CDH1: variants seen among roughly 807,000 people sequenced by gnomAD.
CDH1 encodes cadherin 1.
In CDH1, 35 loss-of-function variants were observed where a neutral mutation model predicts 84.5. The ratio of observed to expected loss-of-function variants is 0.41; its 90% CI spans 0.32 to 0.55. The LOEUF is 0.55. Ranked by LOEUF, CDH1 falls within the 20% of genes least tolerant of loss-of-function variation. The probability of loss-of-function intolerance (pLI) is 0.19; values close to 1 mark genes in which losing one functional copy is unlikely to be tolerated. For missense variants in CDH1, 994 were observed against 1,126.6 expected, an observed-to-expected ratio of 0.88 and a Z score of 1.68; for synonymous variants, 417 against 439.0, an observed-to-expected ratio of 0.95 and a Z score of 0.63.
At chr16:68,830,838 A>T (rs1432351287) in intron 15 of CDH1, among the ~76,000 whole-genome samples, 1 of 152,160 alleles carries the variant, frequency 6.6e-6, no homozygotes, top group Non-Finnish European at 1.5e-5. Context: ...ATTGGCCAGA[A>T]CTATCAGAAG....
chr16:68,771,445 C>A (rs1050077387), intron 2 of CDH1, among the ~76,000 whole-genome samples: 2 of 152,068 alleles, frequency 1.3e-5, no homozygotes, highest in Admixed American at 6.6e-5. Context: ...TGCCACCATA[C>A]CTGGCTAATT....
chr16:68,745,549 A>ATATATATATATGTAT (rs1285099283), intron 2 of CDH1, among the ~76,000 whole-genome samples: 25 of 75,182 alleles, frequency 3.3e-4, no homozygotes, highest in Admixed American at 7.4e-4. Context: ...AAAAAAAAAA[A>ATATATATATATGTAT]ATATATATAT....
intron 2 of CDH1, among the ~76,000 whole-genome samples, chr16:68,751,796 C>G (rs1962888974): frequency 6.6e-6 from 1 of 151,676 alleles, no homozygotes; most frequent in Non-Finnish European, 1.5e-5. Context: ...AGCCACCGTG[C>G]CTGGCCCAAT....
At chr16:68,740,960 G>GA (rs1184818924) in intron 2 of CDH1, among the ~76,000 whole-genome samples, 1 of 151,826 alleles carries the variant, frequency 6.6e-6, no homozygotes, top group East Asian at 1.9e-4. Context: ...CAAAAACAAA[G>GA]AAAAAAGGTG....
At chr16:68,740,557 G>T (rs1389981956) in intron 2 of CDH1, among the ~76,000 whole-genome samples, 1 of 152,146 alleles carries the variant, frequency 6.6e-6, no homozygotes, top group Non-Finnish European at 1.5e-5. Context: ...GCTTGTATCT[G>T]AGCATGCGTC....
At chr16:68,802,023 T>C (rs1054039286) in intron 3 of CDH1, 130 bp downstream of exon 3, 2 of 781,262 alleles carry the variant, frequency 2.6e-6, no homozygotes, top group Non-Finnish European at 4.4e-6. Flanking sequence ...CTGTGCACTG[T>C]GTAGGATGTT....
At chr16:68,783,267 C>T (rs1415933650) in intron 2 of CDH1, among the ~76,000 whole-genome samples, 2 of 151,390 alleles carry the variant, frequency 1.3e-5, no homozygotes, top group Non-Finnish European at 2.9e-5. Flanking sequence ...CATGGTGGCA[C>T]ATGCCTGTAA....
chr16:68,812,683 A>C (rs1222311895), intron 8 of CDH1, among the ~76,000 whole-genome samples: 1 of 152,244 alleles, frequency 6.6e-6, no homozygotes, highest in African/African-American at 2.4e-5. Flanking sequence ...GAATTATTGT[A>C]TGCCAAGGAT....
intron 2 of CDH1, among the ~76,000 whole-genome samples, chr16:68,797,977 G>A (rs769815086): frequency 3.9e-5 from 6 of 152,084 alleles, no homozygotes; most frequent in Non-Finnish European, 5.9e-5. Context: ...TACTCGGGAG[G>A]CTGAAGCAGG....
chr16:68,763,675 C>T (rs1470377565), intron 2 of CDH1: 1 of 152,238 alleles, frequency 6.6e-6, no homozygotes, highest in Non-Finnish European at 1.5e-5. Flanking sequence ...CCGTTGTCAG[C>T]TCCAGGATTT....
intron 2 of CDH1, among the ~76,000 whole-genome samples, chr16:68,754,690 G>A (rs1463777784): frequency 2.0e-5 from 3 of 152,148 alleles, no homozygotes; most frequent in African/African-American, 7.2e-5. Context: ...TTCTCTGAAG[G>A]TCTCAGGTGA....
At chr16:68,788,780 C>T (rs1234199606) in intron 2 of CDH1, among the ~76,000 whole-genome samples, 1 of 152,054 alleles carries the variant, frequency 6.6e-6, no homozygotes, top group Non-Finnish European at 1.5e-5. Flanking sequence ...GGGTGGATCA[C>T]AAGATCAGGA....
At position 68,812,281 on chromosome 16, in the gene CDH1, T is replaced by C; in HGVS notation, c.1137+18T>C. 6.2e-7 allele frequency: 1 copy of C among 1,613,680 alleles called. No homozygotes were observed. The highest frequency in any genetic ancestry group is 8.5e-7 in the Non-Finnish European group (1 of 1,179,664). The stretch of plus-strand genomic sequence containing the variant: ...CCACCACGGTAATTCTATAACTCCT[T>C]AGAGGGTTTCCAAAGAAAGGTCTTT... On this transcript the variant is annotated intron_variant, in intron 8 of 15. Transcript: ENST00000261769.
At chr16:68,777,890 C>T (rs1959779222) in intron 2 of CDH1, among the ~76,000 whole-genome samples, 1 of 151,818 alleles carries the variant, frequency 6.6e-6, no homozygotes. Flanking sequence ...CACCACCACG[C>T]CCAGCTAACT....
intron 3 of CDH1, among the ~76,000 whole-genome samples, chr16:68,805,960 G>T (rs1225451988): frequency 6.6e-6 from 1 of 151,660 alleles, no homozygotes; most frequent in Non-Finnish European, 1.5e-5. Flanking sequence ...TTTTGTTTTT[G>T]TTTTTGAGAC....
At position 68,801,875 on chromosome 16, in the gene CDH1, C is replaced by G. The variant is rs778954591; in HGVS notation, c.369C>G (p.His123Gln). 4 of 1,613,562 alleles carry G rather than the reference C, an allele frequency of 2.5e-6. No individual in the cohort carries two copies. Among genetic ancestry groups the G allele is most frequent in the Middle Eastern group, 3.3e-4 (2 of 6,074 alleles). Reference sequence around the variant, plus strand: ...CGCTGAATACAGTGGGGCACCACCACCGCCCCCCGCCCCATCAGGTATGTT... The same window carrying G: ...CGCTGAATACAGTGGGGCACCACCAGCGCCCCCCGCCCCATCAGGTATGTT... ...KVTLNTVGHHHRPPPHQASVS... is the reference protein window; with the variant it reads ...KVTLNTVGHHQRPPPHQASVS... The change falls in exon 3 of 16, where the codon CAC becomes CAG. Residue 123 changes from histidine to glutamine, a missense_variant. By Grantham distance (24) the His-to-Gln change is conservative. Transcript: ENST00000261769.
At chr16:68,765,026 T>G (rs558902141) in intron 2 of CDH1, 1 of 152,232 alleles carries the variant, frequency 6.6e-6, no homozygotes, top group African/African-American at 2.4e-5. Context: ...TTAAAATGCA[T>G]CACCAAACCC....
At chr16:68,746,818 G>A (rs1962757835) in intron 2 of CDH1, among the ~76,000 whole-genome samples, 1 of 151,984 alleles carries the variant, frequency 6.6e-6, no homozygotes, top group African/African-American at 2.4e-5. Flanking sequence ...GCGTGGTGGT[G>A]CATGCCTGTA....
At chr16:68,774,742 G>A (rs928996964) in intron 2 of CDH1, among the ~76,000 whole-genome samples, 9 of 152,140 alleles carry the variant, frequency 5.9e-5, no homozygotes, top group African/African-American at 2.2e-4. Context: ...TGGGCACTGG[G>A]GAGGACACCA....
Sources: gnomAD v4.1 joint callset for allele counts (sites outside exome capture counted in the v4.1 genomes callset) on GRCh38, gnomAD v4.1.1 for gene constraint, MANE v1.5 for transcripts, NCBI Gene and HGNC (gene_info 2026-07-23, HGNC 2026-07-21) for gene names.